Variants in LIMD1 observed in about 807,000 individuals in gnomAD.
The protein encoded by LIMD1 is LIM domain-containing protein 1.
LIMD1 carries 23 observed loss-of-function variants against 58.4 expected under a neutral mutation model. The ratio of observed to expected loss-of-function variants is 0.39; its 90% CI spans 0.28 to 0.56. The LOEUF (loss-of-function observed/expected upper bound fraction) is 0.56. LIMD1 is among the 20% of genes least tolerant of loss of function. The pLI, the probability that LIMD1 is intolerant of heterozygous loss-of-function variation, is 0.57. For missense variants in LIMD1, 838 were observed against 855.5 expected (o/e 0.98, Z 0.25); for synonymous variants, 334 against 345.5 (o/e 0.97, Z 0.37).
intron 2 of LIMD1, among the ~76,000 whole-genome samples, chr3:45,639,403 T>C (rs1454725193): frequency 6.6e-6 from 1 of 152,214 alleles, no homozygotes; most frequent in African/African-American, 2.4e-5. Context: ...TGGACTGTTA[T>C]AACAAAGTAC....
In LIMD1 at chr3:45,640,778, A is replaced by G. The variant is rs9853988; in HGVS notation, c.1510+4527A>G. Among the ~76,000 whole-genome samples the G allele has an allele frequency of 8.5e-3, 1,290 of 152,320 alleles. 23 individuals carry two copies. The highest frequency in any genetic ancestry group is 0.028 in the African/African-American group (1,161 of 41,580). On this transcript the variant is annotated intron_variant, in intron 2 of 7. Transcript: ENST00000273317. Reference sequence around the variant, plus strand: ...GGTGAACCTCATTCTCTGTGGATCTATTGCCAGCAAACCAGGCCCTAGAAC... The same window carrying G: ...GGTGAACCTCATTCTCTGTGGATCTGTTGCCAGCAAACCAGGCCCTAGAAC...
In LIMD1 at chr3:45,610,027, A is replaced by G. The variant is rs181422286; in HGVS notation, c.1408+13740A>G. Among the ~76,000 whole-genome samples the G allele has an allele frequency of 7.2e-5, 11 of 152,222 alleles. No homozygotes were observed. The East Asian group carries it at 2.1e-3, about 29-fold the overall frequency. On this transcript the variant is annotated intron_variant, in intron 1 of 7. Coordinates refer to ENST00000273317, the MANE Select transcript of LIMD1 (RefSeq NM_014240.3). ...ACCAACATGGTGAAACCCCATCTCT[A>G]CTAAAACTACAAAAATTAGCTAGGC...
At chr3:45,604,514 G>A (rs1358654507) in intron 1 of LIMD1, among the ~76,000 whole-genome samples, 2 of 152,152 alleles carry the variant, frequency 1.3e-5, no homozygotes, top group South Asian at 2.1e-4. Context: ...TGAGTGCTGT[G>A]GGGAAGGACA....
chr3:45,667,034 T>C (rs898706692), intron 3 of LIMD1, among the ~76,000 whole-genome samples: 41 of 152,240 alleles, frequency 2.7e-4, no homozygotes, highest in Admixed American at 7.2e-4. Context: ...AGGAGTCATT[T>C]TCTCCACAGT....
At chr3:45,605,105 G>A (rs1157260487) in intron 1 of LIMD1, among the ~76,000 whole-genome samples, 1 of 152,244 alleles carries the variant, frequency 6.6e-6, no homozygotes, top group African/African-American at 2.4e-5. Context: ...CTCAGGGTGT[G>A]ATGTTGGGCA....
chr3:45,666,348 C>T (rs554952822), intron 3 of LIMD1, among the ~76,000 whole-genome samples: 40 of 152,324 alleles, frequency 2.6e-4, no homozygotes, highest in Non-Finnish European at 3.7e-4. Flanking sequence ...TTCATACCTC[C>T]GGCATGGCTC....
chr3:45,614,406 A>C lies in LIMD1; in HGVS notation c.1408+18119A>C, dbSNP rs977274235. ...GCCGGGCGTGGTGGCGGGCACCTGT[A>C]GTTAAAAAAAAAAAAAAAAAAGGAA... On this transcript the variant is annotated intron_variant, in intron 1 of 7. Coordinates refer to ENST00000273317, the MANE Select transcript of LIMD1 (RefSeq NM_014240.3). 8.5e-4 allele frequency among the ~76,000 whole-genome samples: 122 copies of C among 144,210 alleles called. 2 individuals carry two copies. Among genetic ancestry groups the C allele is most frequent in the Admixed American group, 8.4e-4 (12 of 14,206 alleles). The allele number at this position is 144,210 out of a possible 152,430, so 94.6% of individuals were successfully genotyped here. A position where few individuals can be genotyped will look rare whatever the true frequency, so the allele number is the denominator to read the frequency against.
intron 1 of LIMD1, among the ~76,000 whole-genome samples, chr3:45,632,320 T>C (rs1210950907): frequency 1.3e-5 from 2 of 152,174 alleles, no homozygotes; most frequent in Non-Finnish European, 2.9e-5. Context: ...TGGCCTGATA[T>C]TTGGCATTTT....
At chr3:45,598,662 A>T (rs1347886664) in intron 1 of LIMD1, among the ~76,000 whole-genome samples, 2 of 152,000 alleles carry the variant, frequency 1.3e-5, no homozygotes, top group African/African-American at 2.4e-5. Flanking sequence ...CTAGGGAGAG[A>T]ATCAAGGTAG....
intron 1 of LIMD1, among the ~76,000 whole-genome samples, chr3:45,621,804 C>T (rs567264675): frequency 6.6e-6 from 1 of 152,258 alleles, no homozygotes; most frequent in East Asian, 1.9e-4. Flanking sequence ...GTGGCTCACA[C>T]CTGTCATCCC....
intron 1 of LIMD1, among the ~76,000 whole-genome samples, chr3:45,602,187 A>G (rs1053545530): frequency 6.6e-6 from 1 of 151,934 alleles, no homozygotes; most frequent in African/African-American, 2.4e-5. Context: ...TGACCTTGTG[A>G]TCCACCCTCC....
chr3:45,613,580 G>GTT (rs35966139), intron 1 of LIMD1, among the ~76,000 whole-genome samples: 95 of 130,814 alleles, frequency 7.3e-4, no homozygotes, highest in South Asian at 9.7e-4. Flanking sequence ...CCCTGTTGAG[G>GTT]TTTTTTTTTT....
At chr3:45,599,050 T>A (rs1264704751) in intron 1 of LIMD1, among the ~76,000 whole-genome samples, 2 of 152,118 alleles carry the variant, frequency 1.3e-5, no homozygotes, top group Non-Finnish European at 2.9e-5. Flanking sequence ...AACCTGACAG[T>A]TCAGTTCAGC....
chr3:45,615,403 T>C (rs997374270), intron 1 of LIMD1, among the ~76,000 whole-genome samples: 1 of 152,202 alleles, frequency 6.6e-6, no homozygotes, highest in African/African-American at 2.4e-5. Context: ...TTTTGTTACA[T>C]GGATCTATTG....
In LIMD1 at chr3:45,642,795, C is replaced by T. The variant is rs571846640; in HGVS notation, c.1510+6544C>T. ...TCTGTGGGATTGTTTCCTTGGTGCT[C>T]GTTCCAGCAGTAAGCATCAGGTTGT... On this transcript the variant is annotated intron_variant, in intron 2 of 7. Coordinates refer to ENST00000273317, the MANE Select transcript of LIMD1 (RefSeq NM_014240.3). 7.2e-5 allele frequency among the ~76,000 whole-genome samples: 11 copies of T among 152,272 alleles called. No individual in the cohort carries two copies. The East Asian group carries it at 7.7e-4, about 11-fold the overall frequency.
chr3:45,649,652 G>A (rs984879264), intron 2 of LIMD1, among the ~76,000 whole-genome samples: 96 of 146,676 alleles, frequency 6.5e-4, no homozygotes, highest in African/African-American at 2.3e-3. Flanking sequence ...CTGCACTCCA[G>A]CCTGGGCAAC....
chr3:45,629,934 A>ATT (rs770374851), intron 1 of LIMD1, among the ~76,000 whole-genome samples: 26 of 152,216 alleles, frequency 1.7e-4, no homozygotes, highest in Non-Finnish European at 2.9e-4. Flanking sequence ...CACTCTTTAA[A>ATT]TAGGTACAGC....
At position 45,595,657 on chromosome 3, in the gene LIMD1, A is replaced by G. The variant is rs1701339083; in HGVS notation, c.778A>G (p.Thr260Ala). Residue 260 changes from threonine (T) to alanine (A), a missense_variant, in exon 1 of 8, where the codon ACA (threonine) becomes GCA (alanine). Coordinates refer to ENST00000273317, the MANE Select transcript of LIMD1 (RefSeq NM_014240.3). ...GIGGRSSEKP[T>A]GLWSTASSQR... ...TGGTGGCCGCAGCAGCGAGAAGCCA[A>G]CAGGCCTTTGGTCCACTGCCTCCTC... is the stretch of plus-strand genomic sequence containing the variant. 2 of 1,614,058 alleles carry G rather than the reference A, an allele frequency of 1.2e-6. No individual in the cohort carries two copies. The highest frequency in any genetic ancestry group is 1.7e-5 in the Admixed American group (1 of 60,008).
chr3:45,599,651 A>G (rs899915116), intron 1 of LIMD1, among the ~76,000 whole-genome samples: 1 of 152,150 alleles, frequency 6.6e-6, no homozygotes, highest in South Asian at 2.1e-4. Context: ...CAATGTGCCT[A>G]GGTCACCTAA....
Sources: allele counts gnomAD v4.1 joint callset (sites outside exome capture counted in the v4.1 genomes callset), GRCh38; gene constraint gnomAD v4.1.1; transcripts MANE v1.5; gene names NCBI Gene and HGNC (gene_info 2026-07-23, HGNC 2026-07-21).